FHIP1A: variants seen among roughly 807,000 people sequenced by gnomAD.
The protein encoded by FHIP1A is FHF complex subunit HOOK interacting protein 1A.
In FHIP1A, 61 loss-of-function variants were observed where a neutral mutation model predicts 88.6. That is an observed-to-expected ratio of 0.69 (90% CI 0.56 to 0.85). The LOEUF is 0.85. FHIP1A is among the 40% of genes least tolerant of loss of function. The probability of loss-of-function intolerance (pLI) is 0.00; values close to 1 mark genes in which losing one functional copy is unlikely to be tolerated. For missense variants in FHIP1A, 1,154 were observed against 1,273.5 expected, an observed-to-expected ratio of 0.91 and a Z score of 1.43; for synonymous variants, 478 against 496.0, an observed-to-expected ratio of 0.96 and a Z score of 0.48.
At chr4:151,641,222 G>T (rs1560815938) in intron 9 of FHIP1A, among the ~76,000 whole-genome samples, 1 of 152,150 alleles carries the variant, frequency 6.6e-6, no homozygotes, top group African/African-American at 2.4e-5. Context: ...CTGCTTGAGG[G>T]ATTCCACCAG....
intron 1 of FHIP1A, among the ~76,000 whole-genome samples, chr4:151,427,257 A>C (rs1471343141): frequency 1.3e-5 from 2 of 152,060 alleles, no homozygotes; most frequent in Non-Finnish European, 2.9e-5. Flanking sequence ...CAGTTTATTG[A>C]CTTATTATGG....
chr4:151,439,580 T>A (rs1184601744), intron 1 of FHIP1A, among the ~76,000 whole-genome samples: 1 of 152,260 alleles, frequency 6.6e-6, no homozygotes, highest in African/African-American at 2.4e-5. Context: ...TTTCTTAAAT[T>A]TGGTGGTTCT....
intron 1 of FHIP1A, among the ~76,000 whole-genome samples, chr4:151,415,914 A>G (rs1373633825): frequency 1.3e-5 from 2 of 150,986 alleles, no homozygotes; most frequent in African/African-American, 4.9e-5. Context: ...CTGTTGGTTG[A>G]GCTGCTAATT....
At chr4:151,505,738 A>T (rs11726570) in intron 3 of FHIP1A, among the ~76,000 whole-genome samples, 57,851 of 152,026 alleles carry the variant, frequency 0.38, 11,267 homozygotes, top group Non-Finnish European at 0.43. Context: ...CCTACTCAGG[A>T]GGCTGAGAAG....
rs940554556 is a variant in FHIP1A, at chr4:151,670,339, A to G, written c.*7585A>G. ...TATAATCTTATTTCCAAGCAAAACA[A>G]GTCAATTTCATGTTACAACTTTTTT... On this transcript the variant is annotated 3_prime_UTR_variant, in exon 14 of 14. Coordinates refer to ENST00000435205, the MANE Select transcript of FHIP1A (RefSeq NM_001109977.3). The G allele has an allele frequency of 6.6e-6, 1 of 152,116 alleles. No homozygotes were observed. Among genetic ancestry groups the G allele is most frequent in the East Asian group, 1.9e-4 (1 of 5,202 alleles). The allele number at this position is 152,116 out of a possible 1,614,324, so 9.4% of individuals were successfully genotyped here. A position where few individuals can be genotyped will look rare whatever the true frequency, so the allele number is the denominator to read the frequency against.
chr4:151,453,124 C>G (rs1405245581), intron 1 of FHIP1A, among the ~76,000 whole-genome samples: 1 of 151,718 alleles, frequency 6.6e-6, no homozygotes, highest in Non-Finnish European at 1.5e-5. Flanking sequence ...TCAAGCGATT[C>G]TCTTGTCTCA....
chr4:151,586,651 C>A lies in FHIP1A; in HGVS notation c.743C>A (p.Thr248Asn). Residue 248 changes from threonine (T) to asparagine (N), a missense_variant, in exon 6 of 14, where the codon ACT becomes AAT. Coordinates refer to ENST00000435205, the MANE Select transcript of FHIP1A (RefSeq NM_001109977.3). ...ENTYFCPVLA[T>N]GLSGLYSSLP... ...TATTTCTGAACACAGGTACTTGCAA[C>A]TGGGCTCAGTGGTCTCTACTCTTCC... 1 of 1,543,812 alleles carries A rather than the reference C, an allele frequency of 6.5e-7. No individual in the cohort carries two copies. The highest frequency in any genetic ancestry group is 8.8e-7 in the Non-Finnish European group (1 of 1,141,166).
rs914561284 is a variant in FHIP1A, at chr4:151,539,033, A to G, written c.-122-27105A>G. On this transcript the variant is annotated intron_variant, in intron 3 of 13. Transcript: ENST00000435205. The stretch of plus-strand genomic sequence containing the variant: ...TTTTCTACCAGCCGTTCTATTAGGG[A>G]TTATTGTCCAGTGTAAATATTGCAA... 3.5e-4 allele frequency among the ~76,000 whole-genome samples: 53 copies of G among 152,006 alleles called. 1 individual carries two copies. Among genetic ancestry groups the G allele is most frequent in the Admixed American group, 3.4e-3 (52 of 15,262 alleles).
At chr4:151,411,593 G>T (rs910858667) in intron 1 of FHIP1A, among the ~76,000 whole-genome samples, 1 of 152,010 alleles carries the variant, frequency 6.6e-6, no homozygotes, top group Non-Finnish European at 1.5e-5. Context: ...CAAGCAATCC[G>T]CCTGCCTTGG....
rs193263698 is a variant in FHIP1A, at chr4:151,616,597, C to T, written c.979-13105C>T. 8.6e-3 allele frequency among the ~76,000 whole-genome samples: 1,304 copies of T among 151,822 alleles called. 10 individuals carry two copies. The highest frequency in any genetic ancestry group is 0.015 in the Non-Finnish European group (989 of 67,916). On this transcript the variant is annotated intron_variant, in intron 7 of 13. Transcript: ENST00000435205. ...CCGAGTACCTGGAACTACAGGTGCC[C>T]GCCACCACACCTGGCTAATTTTTTT... is the stretch of plus-strand genomic sequence containing the variant.
intron 2 of FHIP1A, among the ~76,000 whole-genome samples, chr4:151,460,648 A>G: frequency 6.6e-6 from 1 of 152,012 alleles, no homozygotes; most frequent in East Asian, 1.9e-4. Flanking sequence ...TAGTTGTCAT[A>G]TTGTCTCATT....
rs140507520 is a variant in FHIP1A at position 151,587,517 on chromosome 4, CT to C, written c.891+727del. Among the ~76,000 whole-genome samples the C allele has an allele frequency of 5.5e-4, 81 of 148,080 alleles. 1 individual carries two copies. Among genetic ancestry groups the C allele is most frequent in the Non-Finnish European group, 9.7e-4 (65 of 67,028 alleles). ...GTTTTCTTTCTTTTTTTTTCTCGGC[CT>C]TTTTTTTTATTATTATACTTTAAGT... On this transcript the variant is annotated intron_variant, in intron 6 of 13. Transcript: ENST00000435205.
intron 4 of FHIP1A, among the ~76,000 whole-genome samples, chr4:151,568,228 A>G (rs955066749): frequency 2.6e-5 from 4 of 152,242 alleles, no homozygotes; most frequent in African/African-American, 7.2e-5. Context: ...TCTGAAGCAC[A>G]GTACAGATAC....
At chr4:151,562,791 AT>A (rs1733225951) in intron 3 of FHIP1A, among the ~76,000 whole-genome samples, 1 of 152,194 alleles carries the variant, frequency 6.6e-6, no homozygotes, top group African/African-American at 2.4e-5. Context: ...TTTTCTAATT[AT>A]TGTAGCTGTC....
chr4:151,537,134 T>C (rs1732099480), intron 3 of FHIP1A, among the ~76,000 whole-genome samples: 1 of 152,086 alleles, frequency 6.6e-6, no homozygotes, highest in Non-Finnish European at 1.5e-5. Flanking sequence ...CTCCTCAGCC[T>C]CCCAAAGTGC....
In FHIP1A at chr4:151,629,875, G is replaced by C; in HGVS notation, c.1146+6G>C. On this transcript the variant is annotated splice_donor_region_variant and intron_variant, in intron 8 of 13. Transcript: ENST00000435205. ...GAATCAACACCCCGTTTCGGGTAAG[G>C]AGAGCGCCAGAGGAAGGGAACTTAC... is the stretch of plus-strand genomic sequence containing the variant. 1 of 1,549,686 alleles carries C rather than the reference G, an allele frequency of 6.5e-7. No homozygotes were observed. Among genetic ancestry groups the C allele is most frequent in the Non-Finnish European group, 8.7e-7 (1 of 1,145,698 alleles).
At chr4:151,524,593 T>TG (rs1339402440) in intron 3 of FHIP1A, among the ~76,000 whole-genome samples, 1 of 152,168 alleles carries the variant, frequency 6.6e-6, no homozygotes. Flanking sequence ...CTTGTAGCCA[T>TG]GGGTGGTGAA....
intron 3 of FHIP1A, among the ~76,000 whole-genome samples, chr4:151,550,117 A>G (rs1732667498): frequency 6.6e-6 from 1 of 152,118 alleles, no homozygotes; most frequent in Admixed American, 6.5e-5. Context: ...TTGTGGGTAC[A>G]TAGTAGGTGT....
chr4:151,454,278 C>T (rs1728894943), intron 1 of FHIP1A, among the ~76,000 whole-genome samples: 1 of 152,092 alleles, frequency 6.6e-6, no homozygotes, highest in African/African-American at 2.4e-5. Context: ...ACATTGGAGG[C>T]ACATCAAGAG....
Sources: gnomAD v4.1 joint callset for allele counts (sites outside exome capture counted in the v4.1 genomes callset) on GRCh38, gnomAD v4.1.1 for gene constraint, MANE v1.5 for transcripts, NCBI Gene and HGNC (gene_info 2026-07-23, HGNC 2026-07-21) for gene names.